The following NT5M variants were observed in gnomAD, a reference collection of about 807,000 sequenced individuals.
The protein encoded by NT5M is 5',3'-nucleotidase, mitochondrial.
In NT5M, 22 loss-of-function variants were observed where a neutral mutation model predicts 22.2. The observed-to-expected ratio is 0.99, with a 90% CI of 0.71 to 1.41. The LOEUF is 1.41. Among genes scored for constraint, NT5M ranks in the 40% most tolerant of loss-of-function variants. The pLI, the probability that NT5M is intolerant of heterozygous loss-of-function variation, is 0.00. For missense variants in NT5M, 322 were observed against 314.8 expected (o/e 1.02, Z -0.17); for synonymous variants, 167 against 133.0 (o/e 1.26, Z -1.76).
chr17:17,342,017 AGACTCT>A (rs1465837692), intron 3 of NT5M, among the ~76,000 whole-genome samples: 6 of 152,050 alleles, frequency 3.9e-5, no homozygotes, highest in African/African-American at 1.5e-4. Flanking sequence ...GGCGACAGCA[AGACTCT>A]GTCTCAAAAA....
intron 3 of NT5M, among the ~76,000 whole-genome samples, chr17:17,343,751 G>T (rs187931117): frequency 6.8e-4 from 103 of 152,304 alleles, no homozygotes; most frequent in African/African-American, 2.4e-3. Flanking sequence ...ATCCAGTCCT[G>T]CCCCTCCTCT....
intron 2 of NT5M, among the ~76,000 whole-genome samples, chr17:17,307,046 AAGTT>A (rs2048816973): frequency 1.3e-5 from 2 of 151,754 alleles, no homozygotes; most frequent in African/African-American, 4.8e-5. Context: ...AAAAATAAAA[AAGTT>A]AGCCGGGCAT....
In NT5M at chr17:17,335,602, C is replaced by T. The variant is rs571848218; in HGVS notation, c.430-9192C>T. Among the ~76,000 whole-genome samples the T allele has an allele frequency of 7.9e-5, 12 of 151,874 alleles. No homozygotes were observed. The South Asian group carries it at 1.9e-3, about 24-fold the overall frequency. On this transcript the variant is annotated intron_variant, in intron 3 of 4. Coordinates refer to ENST00000389022, the MANE Select transcript of NT5M (RefSeq NM_020201.4). ...AACATTCAATCCTTTGTGTTATAGACAATCCAATTATATTCTTAGTTGTTT... is the reference window on the plus strand; with the variant it reads ...AACATTCAATCCTTTGTGTTATAGATAATCCAATTATATTCTTAGTTGTTT...
At chr17:17,327,811 G>A (rs1186227901) in intron 3 of NT5M, among the ~76,000 whole-genome samples, 2 of 104,824 alleles carry the variant, frequency 1.9e-5, no homozygotes, top group African/African-American at 3.3e-5. Flanking sequence ...CACCACGCCC[G>A]GCCAATTTTT....
At chr17:17,310,694 C>T (rs1329896452) in intron 2 of NT5M, among the ~76,000 whole-genome samples, 2 of 148,572 alleles carry the variant, frequency 1.3e-5, no homozygotes, top group East Asian at 4.0e-4. Context: ...CAAAAATAGC[C>T]AGGCATAGTG....
At chr17:17,321,093 A>G (rs763590149) in intron 2 of NT5M, among the ~76,000 whole-genome samples, 1 of 152,018 alleles carries the variant, frequency 6.6e-6, no homozygotes, top group South Asian at 2.1e-4. Context: ...GTGTGTGTAT[A>G]TATCTAAGGC....
chr17:17,316,935 C>T (rs1473417869), intron 2 of NT5M, among the ~76,000 whole-genome samples: 3 of 145,976 alleles, frequency 2.1e-5, no homozygotes, highest in Admixed American at 1.4e-4. Context: ...TGGATGGTCT[C>T]GATCTCCTGA....
chr17:17,335,638 A>G (rs1226325496), intron 3 of NT5M, among the ~76,000 whole-genome samples: 1 of 148,124 alleles, frequency 6.8e-6, no homozygotes, highest in Non-Finnish European at 1.5e-5. Flanking sequence ...TAAAATGAAC[A>G]ATTTTTTTTT....
chr17:17,314,790 T>C (rs2048990047), intron 2 of NT5M, among the ~76,000 whole-genome samples: 1 of 152,216 alleles, frequency 6.6e-6, no homozygotes, highest in Non-Finnish European at 1.5e-5. Flanking sequence ...CCTGGAATGT[T>C]TCTGCCCTAG....
chr17:17,344,485 C>G (rs1268652630), intron 3 of NT5M, among the ~76,000 whole-genome samples: 2 of 152,168 alleles, frequency 1.3e-5, no homozygotes, highest in Non-Finnish European at 1.5e-5. Context: ...GCCCTCTGCT[C>G]CCTGTGTTTG....
At chr17:17,326,620 G>A (rs1218435695) in intron 3 of NT5M, among the ~76,000 whole-genome samples, 1 of 152,200 alleles carries the variant, frequency 6.6e-6, no homozygotes, top group Admixed American at 6.5e-5. Context: ...TCCATCCTTG[G>A]GTTTCATTGC....
chr17:17,345,349 A>C, intron 4 of NT5M: 1 of 839,192 alleles, frequency 1.2e-6, no homozygotes, highest in Non-Finnish European at 1.4e-6. Context: ...CCCAAAACCA[A>C]ACAAGCCAGT....
chr17:17,331,263 T>A (rs2049379543), intron 3 of NT5M, among the ~76,000 whole-genome samples: 2 of 151,068 alleles, frequency 1.3e-5, no homozygotes, highest in Non-Finnish European at 2.9e-5. Flanking sequence ...TCATGGTGTC[T>A]TTCTTGGCGT....
chr17:17,345,841 A>G (rs1053845285), intron 4 of NT5M, among the ~76,000 whole-genome samples: 1 of 152,060 alleles, frequency 6.6e-6, no homozygotes, highest in African/African-American at 2.4e-5. Context: ...AACACAGCAC[A>G]GGAGAGGGGA....
At chr17:17,330,462 G>T (rs1424164230) in intron 3 of NT5M, among the ~76,000 whole-genome samples, 1 of 150,276 alleles carries the variant, frequency 6.7e-6, no homozygotes, top group Non-Finnish European at 1.5e-5. Context: ...TGCAACGTCT[G>T]CCTCCTGGGT....
rs1408519162 is a variant in NT5M at position 17,306,635 on chromosome 17, C to A, written c.360C>A (p.Ser120Arg). ...TGGAAGCTGTCAAGGAGATGGCCAG[C>A]CTACAAAAGTAAGTTTGTCCTCCCA... The part of the protein sequence containing the change: ...GAVEAVKEMA[S>R]LQNTDVFICT... Residue 120 changes from serine to arginine, a missense_variant, in exon 2 of 5, where the codon AGC becomes AGA. Ser to Arg is a moderately radical substitution (Grantham distance 110). Transcript: ENST00000389022. 11 of 1,612,286 alleles carry A rather than the reference C, an allele frequency of 6.8e-6. No individual in the cohort carries two copies. The highest frequency in any genetic ancestry group is 8.5e-6 in the Non-Finnish European group (10 of 1,178,514).
intron 3 of NT5M, among the ~76,000 whole-genome samples, chr17:17,332,556 G>C (rs1263892352): frequency 6.6e-6 from 1 of 152,180 alleles, no homozygotes; most frequent in African/African-American, 2.4e-5. Flanking sequence ...TTCTGGTTTA[G>C]AACGACAGCA....
intron 2 of NT5M, among the ~76,000 whole-genome samples, chr17:17,308,386 G>A (rs2048854732): frequency 6.6e-6 from 1 of 152,036 alleles, no homozygotes; most frequent in African/African-American, 2.4e-5. Flanking sequence ...GAGGTCAGGA[G>A]TTCGAGACCA....
At chr17:17,318,303 C>G (rs2049074901) in intron 2 of NT5M, among the ~76,000 whole-genome samples, 2 of 150,602 alleles carry the variant, frequency 1.3e-5, no homozygotes, top group South Asian at 4.2e-4. Flanking sequence ...ACGGCGAAAC[C>G]CCGTCTCTAC....
Sources: gnomAD v4.1 joint callset for allele counts (sites outside exome capture counted in the v4.1 genomes callset) on GRCh38, gnomAD v4.1.1 for gene constraint, MANE v1.5 for transcripts, NCBI Gene and HGNC (gene_info 2026-07-23, HGNC 2026-07-21) for gene names.